ROCK2: variants seen among roughly 807,000 people sequenced by gnomAD.
The protein encoded by ROCK2 is Rho associated coiled-coil containing protein kinase 2.
Under a neutral mutation model 195.1 loss-of-function variants are expected in ROCK2, and 61 were observed. The observed-to-expected ratio is 0.31, with a 90% CI of 0.25 to 0.39. The LOEUF is 0.39. Among genes scored for constraint, ROCK2 ranks in the 10% least tolerant of loss-of-function variants. ROCK2 has a pLI of 1.00. For synonymous variants in ROCK2, 504 were observed against 545.5 expected (o/e 0.92, Z 1.06); for missense variants, 1,109 against 1,637.4 (o/e 0.68, Z 5.57).
chr2:11,257,525 C>T lies in ROCK2; in HGVS notation c.325-7727G>A, dbSNP rs1277811359. Among the ~76,000 whole-genome samples, 2 of 151,378 alleles carry T rather than the reference C, an allele frequency of 1.3e-5. 1 individual carries two copies. Among genetic ancestry groups the T allele is most frequent in the African/African-American group, 4.9e-5 (2 of 40,700 alleles). The stretch of plus-strand genomic sequence containing the variant: ...GCACGTACAACATGTTTTGAGTAGC[C>T]TTGCTGTGAGTTTCTTCGAGTTGCT... On this transcript the variant is annotated intron_variant, in intron 3 of 32. Coordinates refer to ENST00000315872, the MANE Select transcript of ROCK2 (RefSeq NM_004850.5).
intron 1 of ROCK2, chr2:11,308,257 CACACA>C: frequency 8.4e-7 from 1 of 1,193,466 alleles, no homozygotes; most frequent in Non-Finnish European, 1.3e-6. Context: ...CTTTACAGTC[CACACA>C]GTCTCAAGAA....
At chr2:11,238,290 T>C (rs573441948) in intron 4 of ROCK2, among the ~76,000 whole-genome samples, 3 of 147,184 alleles carry the variant, frequency 2.0e-5, no homozygotes, top group Admixed American at 6.8e-5. Flanking sequence ...AAAGGAAATA[T>C]GAAAATAAAT....
intron 1 of ROCK2, among the ~76,000 whole-genome samples, chr2:11,325,979 T>C (rs182106676): frequency 2.0e-5 from 3 of 152,214 alleles, no homozygotes; most frequent in Admixed American, 1.3e-4. Context: ...AAATGGATAG[T>C]GGAAACAATC....
At chr2:11,238,700 T>C (rs796504967) in intron 4 of ROCK2, among the ~76,000 whole-genome samples, 9 of 152,026 alleles carry the variant, frequency 5.9e-5, no homozygotes, top group African/African-American at 2.2e-4. Context: ...TATTAAAAAT[T>C]AGCCAGGAAT....
chr2:11,213,758 A>G (rs1284503078), intron 17 of ROCK2, among the ~76,000 whole-genome samples: 1 of 151,816 alleles, frequency 6.6e-6, no homozygotes, highest in Non-Finnish European at 1.5e-5. Flanking sequence ...CATACACCCA[A>G]TACATATACC....
chr2:11,337,018 G>A (rs1187475435), intron 1 of ROCK2, among the ~76,000 whole-genome samples: 1 of 152,156 alleles, frequency 6.6e-6, no homozygotes, highest in Non-Finnish European at 1.5e-5. Flanking sequence ...CAAGGCGGGT[G>A]GATCACTTGA....
chr2:11,283,484 C>G (rs1312867138), intron 3 of ROCK2, among the ~76,000 whole-genome samples: 2 of 147,320 alleles, frequency 1.4e-5, no homozygotes, highest in African/African-American at 5.0e-5. Context: ...TGGCGTGAAC[C>G]CGGGAAGCGG....
At chr2:11,318,872 A>AT in intron 1 of ROCK2, among the ~76,000 whole-genome samples, 1 of 152,282 alleles carries the variant, frequency 6.6e-6, no homozygotes, top group African/African-American at 2.4e-5. Flanking sequence ...TCCCTTCCCC[A>AT]TTTCTTGTTT....
chr2:11,215,802 A>G (rs1395087623), intron 13 of ROCK2, among the ~76,000 whole-genome samples, 157 bp from the exon 14 acceptor site: 1 of 152,232 alleles, frequency 6.6e-6, no homozygotes, highest in Non-Finnish European at 1.5e-5. Flanking sequence ...ATTGTAAACT[A>G]GCACACTACT....
At chr2:11,287,179 A>G (rs573382267) in intron 2 of ROCK2, among the ~76,000 whole-genome samples, 1 of 152,320 alleles carries the variant, frequency 6.6e-6, no homozygotes, top group African/African-American at 2.4e-5. Flanking sequence ...AGAATTTCTT[A>G]TTCTTGGAAT....
At chr2:11,296,005 G>GAGGGGAGAGAGAGAGAGGGGAGAGAGAGA (rs1553313929) in intron 1 of ROCK2, among the ~76,000 whole-genome samples, 1 of 10,334 alleles carries the variant, frequency 9.7e-5, no homozygotes, top group Non-Finnish European at 2.5e-4. Context: ...GAGAGAGAGA[G>GAGGGGAGAGAGAGAGAGGGGAGAGAGAGA]GAGAGAGAGA....
At chr2:11,233,176 T>C (rs527672472) in intron 5 of ROCK2, among the ~76,000 whole-genome samples, 1 of 152,318 alleles carries the variant, frequency 6.6e-6, no homozygotes, top group Non-Finnish European at 1.5e-5. Context: ...ATTACACCAC[T>C]ACACTCCAGC....
intron 3 of ROCK2, among the ~76,000 whole-genome samples, chr2:11,262,248 AAAAC>A (rs974152791): frequency 7.2e-5 from 11 of 152,240 alleles, no homozygotes; most frequent in African/African-American, 2.7e-4. Flanking sequence ...CATATGAAAA[AAAAC>A]AAAGAACAAA....
intron 3 of ROCK2, among the ~76,000 whole-genome samples, chr2:11,270,950 C>T (rs572033856): frequency 6.6e-6 from 1 of 152,222 alleles, no homozygotes; most frequent in African/African-American, 2.4e-5. Context: ...GTAAATAGGT[C>T]TTTAGTAATA....
At position 11,211,776 on chromosome 2, in the gene ROCK2, T is replaced by G; in HGVS notation, c.2108A>C (p.Gln703Pro). Reference protein sequence around the residue: ...QLKVIQQSLEQEEAEHKATKA... With the variant: ...QLKVIQQSLEPEEAEHKATKA... ...TGTGGCCTTATGTTCAGCTTCTTCT[T>G]GTTCTAGGCTCTGCTGTATAACTTT... The change falls in exon 18 of 33, where the codon CAA becomes CCA. Residue 703 changes from glutamine to proline, a missense_variant. Physicochemically the swap from Gln to Pro is moderately conservative, Grantham distance 76. Coordinates refer to ENST00000315872, the MANE Select transcript of ROCK2 (RefSeq NM_004850.5). 6.2e-7 allele frequency: 1 copy of G among 1,613,606 alleles called. No individual in the cohort carries two copies. Among genetic ancestry groups the G allele is most frequent in the Non-Finnish European group, 8.5e-7 (1 of 1,179,730 alleles).
intron 3 of ROCK2, among the ~76,000 whole-genome samples, chr2:11,272,264 T>C (rs1163091398): frequency 6.6e-6 from 1 of 152,158 alleles, no homozygotes; most frequent in African/African-American, 2.4e-5. Flanking sequence ...GAAAACACAC[T>C]GTTTAAACAG....
intron 32 of ROCK2, 72 bp from the exon 33 acceptor site, chr2:11,183,512 G>A (rs992241351): frequency 4.1e-5 from 47 of 1,152,668 alleles, no homozygotes; most frequent in Non-Finnish European, 5.8e-5. Flanking sequence ...CCTAGAAAAA[G>A]CATTCCATTC....
chr2:11,322,801 G>A (rs901287151), intron 1 of ROCK2, among the ~76,000 whole-genome samples: 2 of 152,132 alleles, frequency 1.3e-5, no homozygotes, highest in Non-Finnish European at 2.9e-5. Context: ...CAGTTGTGAA[G>A]AGCTTCTTTA....
intron 4 of ROCK2, among the ~76,000 whole-genome samples, chr2:11,237,385 G>A (rs891940589): frequency 6.6e-6 from 1 of 152,136 alleles, no homozygotes; most frequent in African/African-American, 2.4e-5. Flanking sequence ...AAGCACCAAC[G>A]TCTACCTAAA....
Sources: allele counts gnomAD v4.1 joint callset (sites outside exome capture counted in the v4.1 genomes callset), GRCh38; gene constraint gnomAD v4.1.1; transcripts MANE v1.5; gene names NCBI Gene and HGNC (gene_info 2026-07-23, HGNC 2026-07-21).